Variants in IGSF11 observed in about 807,000 individuals in gnomAD.
IGSF11 encodes immunoglobulin superfamily member 11.
Under a neutral mutation model 41.0 loss-of-function variants are expected in IGSF11, and 22 were observed. The observed-to-expected ratio is 0.54, with a 90% CI of 0.38 to 0.77. The LOEUF (loss-of-function observed/expected upper bound fraction) is 0.77, where lower values mean the gene tolerates loss of function less well. Ranked by LOEUF, IGSF11 falls within the 30% of genes least tolerant of loss-of-function variation. The pLI, the probability that IGSF11 is intolerant of heterozygous loss-of-function variation, is 0.00. For synonymous variants in IGSF11, 219 were observed against 201.3 expected, an observed-to-expected ratio of 1.09 and a Z score of -0.74; for missense variants, 444 against 530.8, an observed-to-expected ratio of 0.84 and a Z score of 1.61.
At chr3:119,142,370 C>G in intron 1 of IGSF11, among the ~76,000 whole-genome samples, 1 of 151,298 alleles carries the variant, frequency 6.6e-6, no homozygotes, top group Non-Finnish European at 1.5e-5. Context: ...TACAAACTGT[C>G]CAGACTTTAC....
At chr3:119,141,993 T>C (rs539322070) in intron 1 of IGSF11, among the ~76,000 whole-genome samples, 1 of 152,148 alleles carries the variant, frequency 6.6e-6, no homozygotes, top group Admixed American at 6.5e-5. Context: ...AAAAAGTTTC[T>C]GGCCGGGCGC....
chr3:119,121,381 A>G (rs2077331899), intron 1 of IGSF11, among the ~76,000 whole-genome samples: 1 of 152,194 alleles, frequency 6.6e-6, no homozygotes, highest in Admixed American at 6.5e-5. Context: ...ATTAACAGGA[A>G]CCAAATGAAA....
At chr3:119,045,401 C>T (rs936345528) in intron 1 of IGSF11, among the ~76,000 whole-genome samples, 4 of 152,224 alleles carry the variant, frequency 2.6e-5, no homozygotes, top group Non-Finnish European at 4.4e-5. Context: ...CCTGGAAAAT[C>T]GGGTCACTCC....
chr3:119,027,232 G>T (rs1939911792), intron 1 of IGSF11, among the ~76,000 whole-genome samples: 1 of 152,132 alleles, frequency 6.6e-6, no homozygotes, highest in African/African-American at 2.4e-5. Flanking sequence ...TAACAAGTAG[G>T]AAATGTTCAC....
intron 1 of IGSF11, among the ~76,000 whole-genome samples, chr3:119,034,307 TTA>T (rs1166063005): frequency 1.3e-5 from 2 of 151,900 alleles, no homozygotes; most frequent in African/African-American, 4.8e-5. Context: ...CCGGACGAGT[TTA>T]GTTACCTCTC....
intron 1 of IGSF11, among the ~76,000 whole-genome samples, chr3:119,054,658 G>A (rs1024379750): frequency 6.6e-6 from 1 of 152,210 alleles, no homozygotes; most frequent in African/African-American, 2.4e-5. Flanking sequence ...ATTACCATTT[G>A]ATGCAGCAAT....
chr3:118,905,686 T>A lies in IGSF11; in HGVS notation c.613A>T (p.Ile205Phe). Reference protein sequence around the residue: ...QVQGTVTIRNISALSSGLYQC... With the variant: ...QVQGTVTIRNFSALSSGLYQC... Reference sequence around the variant, plus strand: ...TACAAACCTGAAGACAGGGCACTGATGTTCCGGATGGTGACTGTTCCCTGG... The same window carrying A: ...TACAAACCTGAAGACAGGGCACTGAAGTTCCGGATGGTGACTGTTCCCTGG... Residue 205 changes from isoleucine to phenylalanine, a missense_variant, in exon 5 of 7, where the codon ATC (isoleucine) becomes TTC (phenylalanine). Around this residue, in one of 3 missense-constraint regions of IGSF11, gnomAD observed 193 missense variants for 283.5 expected, o/e 0.68. Coordinates refer to ENST00000393775, the MANE Select transcript of IGSF11 (RefSeq NM_001015887.3). 2 of 1,613,920 alleles carry A rather than the reference T, an allele frequency of 1.2e-6. No individual in the cohort carries two copies. Among genetic ancestry groups the A allele is most frequent in the South Asian group, 2.2e-5 (2 of 91,072 alleles).
chr3:118,984,082 C>T lies in IGSF11; in HGVS notation c.52+50449G>A, dbSNP rs72968644. ...TCAGCCCCCTACCCAGCTCTCCTTC[C>T]TCTTCTAGTCTATAAAATCTTTTTT... On this transcript the variant is annotated intron_variant, in intron 1 of 6. Transcript: ENST00000393775. 5.1e-3 allele frequency among the ~76,000 whole-genome samples: 775 copies of T among 152,004 alleles called. 5 individuals carry two copies. Among genetic ancestry groups the T allele is most frequent in the African/African-American group, 0.018 (727 of 41,448 alleles).
intron 1 of IGSF11, among the ~76,000 whole-genome samples, chr3:118,985,882 G>A (rs1302564429): frequency 6.6e-6 from 1 of 152,078 alleles, no homozygotes; most frequent in African/African-American, 2.4e-5. Context: ...CTTAAAAAAT[G>A]CAAATTTGAT....
intron 1 of IGSF11, among the ~76,000 whole-genome samples, chr3:118,960,341 G>A (rs763351201): frequency 1.3e-5 from 2 of 152,046 alleles, no homozygotes; most frequent in Non-Finnish European, 2.9e-5. Flanking sequence ...CAGAGAAATT[G>A]TTCATCAAAA....
intron 1 of IGSF11, among the ~76,000 whole-genome samples, chr3:119,063,144 A>T (rs1942106604): frequency 1.3e-5 from 2 of 152,172 alleles, no homozygotes; most frequent in Non-Finnish European, 2.9e-5. Context: ...TGAAACCTTC[A>T]GTCTAGTGGA....
At chr3:119,102,477 G>A (rs2076952972) in intron 1 of IGSF11, among the ~76,000 whole-genome samples, 1 of 152,158 alleles carries the variant, frequency 6.6e-6, no homozygotes, top group Non-Finnish European at 1.5e-5. Flanking sequence ...TTGAGGAACA[G>A]TAATTTTGTT....
At chr3:118,981,417 C>A (rs761015267) in intron 1 of IGSF11, among the ~76,000 whole-genome samples, 1 of 152,182 alleles carries the variant, frequency 6.6e-6, no homozygotes, top group Non-Finnish European at 1.5e-5. Context: ...CCCACCTTAG[C>A]CTCCCAAAGT....
intron 1 of IGSF11, among the ~76,000 whole-genome samples, chr3:118,950,473 C>T (rs1192005649): frequency 1.3e-5 from 2 of 151,902 alleles, no homozygotes; most frequent in Non-Finnish European, 2.9e-5. Context: ...AGGTAATATG[C>T]CTTTTATATA....
Position 118,911,799 on chromosome 3 carries a change from G to C in IGSF11, c.581-6081C>G, listed in dbSNP as rs1940346038. 2.6e-5 allele frequency among the ~76,000 whole-genome samples: 4 copies of C among 152,082 alleles called. No individual in the cohort carries two copies. In the South Asian group the frequency reaches 8.3e-4, roughly 32 times the overall value. On this transcript the variant is annotated intron_variant, in intron 4 of 6. Transcript: ENST00000393775. The stretch of plus-strand genomic sequence containing the variant: ...TTACAACCACGCCAAAAGAATTTTA[G>C]TCCTTCCTATCAGTTTTGGGCAAAC...
intron 1 of IGSF11, among the ~76,000 whole-genome samples, chr3:119,093,117 A>C (rs774584908): frequency 3.3e-5 from 5 of 152,268 alleles, no homozygotes; most frequent in Non-Finnish European, 5.9e-5. Flanking sequence ...CACACAAAAA[A>C]ATAAACACAA....
chr3:119,012,029 CAGAGAG>C (rs766318248), intron 1 of IGSF11, among the ~76,000 whole-genome samples: 4 of 148,366 alleles, frequency 2.7e-5, no homozygotes, highest in Non-Finnish European at 4.5e-5. Flanking sequence ...TACACACACA[CAGAGAG>C]AGAGAGAGAG....
chr3:119,054,083 A>T (rs1941729018), intron 1 of IGSF11, among the ~76,000 whole-genome samples: 1 of 152,228 alleles, frequency 6.6e-6, no homozygotes, highest in Non-Finnish European at 1.5e-5. Context: ...AACATCATAA[A>T]TACCTTCTAA....
intron 1 of IGSF11, among the ~76,000 whole-genome samples, chr3:119,023,223 ACTGCACTCCAGC>A (rs2107716895): frequency 7.7e-6 from 1 of 129,060 alleles, no homozygotes; most frequent in East Asian, 2.7e-4. Context: ...AGATCGCACC[ACTGCACTCCAGC>A]CTGGGCGACA....
Sources: gnomAD v4.1 joint callset for allele counts (sites outside exome capture counted in the v4.1 genomes callset) on GRCh38, gnomAD v4.1.1 for gene constraint, gnomAD v4.1.1 regional missense constraint, MANE v1.5 for transcripts, NCBI Gene and HGNC (gene_info 2026-07-23, HGNC 2026-07-21) for gene names.